SETDB1: variants seen among roughly 807,000 people sequenced by gnomAD.
SETDB1 encodes the protein SET domain bifurcated histone lysine methyltransferase 1, also known as histone-lysine N-methyltransferase SETDB1.
Under a neutral mutation model 137.4 loss-of-function variants are expected in SETDB1, and 31 were observed. The ratio of observed to expected loss-of-function variants is 0.23; its 90% CI spans 0.17 to 0.30. SETDB1 has a LOEUF of 0.30. Among genes scored for constraint, SETDB1 ranks in the 10% least tolerant of loss-of-function variants. The probability of loss-of-function intolerance (pLI) is 1.00; values close to 1 mark genes in which losing one functional copy is unlikely to be tolerated. For synonymous variants in SETDB1, 548 were observed against 579.9 expected (o/e 0.95, Z 0.79); for missense variants, 1,113 against 1,631.5 (o/e 0.68, Z 5.47).
At chr1:150,933,767 CTTTTTCT>C in intron 3 of SETDB1, among the ~76,000 whole-genome samples, 1 of 116,820 alleles carries the variant, frequency 8.6e-6, no homozygotes, top group Non-Finnish European at 1.8e-5. Flanking sequence ...TTTTCTTTTT[CTTTTTCT>C]TTTTCTTTTT....
In SETDB1 at chr1:150,941,419, C is replaced by A; in HGVS notation, c.538C>A (p.Leu180Met). ...AVNKKSSSQD[L>M]HKGTLSQMSG... ...CAACAAGAAGAGCAGTTCCCAGGAT[C>A]TGCATAAAGGTTAGGGTCAAGAAAT... The change falls in exon 5 of 22, where the codon CTG becomes ATG. Residue 180 changes from leucine (L) to methionine (M), a missense_variant. Coordinates refer to ENST00000692827, the MANE Select transcript of SETDB1 (RefSeq NM_001366418.1). 6.2e-7 allele frequency: 1 copy of A among 1,604,752 alleles called. No individual in the cohort carries two copies. The highest frequency in any genetic ancestry group is 8.5e-7 in the Non-Finnish European group (1 of 1,171,534).
intron 4 of SETDB1, among the ~76,000 whole-genome samples, chr1:150,940,308 G>A (rs913327052): frequency 6.6e-6 from 1 of 152,112 alleles, no homozygotes; most frequent in Non-Finnish European, 1.5e-5. Flanking sequence ...GCTCACGACT[G>A]TAATCCCAGC....
intron 14 of SETDB1, among the ~76,000 whole-genome samples, chr1:150,957,215 A>G (rs1466542666): frequency 6.6e-6 from 1 of 152,142 alleles, no homozygotes; most frequent in African/African-American, 2.4e-5. Flanking sequence ...CTCCAATACA[A>G]AAATTAGCAG....
chr1:150,962,772 C>T, intron 18 of SETDB1, 53 bp downstream of exon 18: 2 of 1,586,888 alleles, frequency 1.3e-6, no homozygotes, highest in Non-Finnish European at 1.7e-6. Flanking sequence ...GGGCCATTGT[C>T]ACCTCATCAA....
chr1:150,951,510 T>G lies in SETDB1; in HGVS notation c.2333+29T>G, dbSNP rs375337471. On this transcript the variant is annotated intron_variant, in intron 14 of 21. Transcript: ENST00000692827. ...AGTGGTCAAGGAATGGCACAGTACC[T>G]CAGAGAGACTGAGGAGCATGTTCTT... 3.1e-5 allele frequency: 35 copies of G among 1,112,452 alleles called. No individual in the cohort carries two copies. The Admixed American group carries it at 4.2e-4, about 13-fold the overall frequency. 68.9% of individuals were successfully genotyped at this position (1,112,452 alleles called of 1,614,324 possible). A position where few individuals can be genotyped will look rare whatever the true frequency, so the allele number is the denominator to read the frequency against.
chr1:150,937,133 AAT>A (rs1036972031), intron 3 of SETDB1, among the ~76,000 whole-genome samples: 7 of 151,880 alleles, frequency 4.6e-5, no homozygotes, highest in African/African-American at 1.5e-4. Context: ...TCAAAGAAAA[AAT>A]ATATGTGTAT....
At chr1:150,933,214 C>T (rs747103539) in intron 3 of SETDB1, among the ~76,000 whole-genome samples, 9 of 151,868 alleles carry the variant, frequency 5.9e-5, no homozygotes, top group Non-Finnish European at 1.2e-4. Flanking sequence ...TACATGCCGC[C>T]ACGCCCAGCT....
chr1:150,958,254 C>CTTTTTTTTT (rs374122454), intron 14 of SETDB1, among the ~76,000 whole-genome samples: 38 of 94,062 alleles, frequency 4.0e-4, no homozygotes, highest in Admixed American at 6.5e-4. Flanking sequence ...TTTCTTTTTT[C>CTTTTTTTTT]TTTTTTTTTT....
intron 3 of SETDB1, among the ~76,000 whole-genome samples, chr1:150,931,121 A>G (rs1184763806): frequency 2.6e-5 from 4 of 151,764 alleles, no homozygotes; most frequent in African/African-American, 9.7e-5. Context: ...TTAGCCAGGC[A>G]TGGTGGTGCA....
intron 16 of SETDB1, 159 bp downstream of exon 16, chr1:150,961,350 TGTTTA>T (rs1401417268): frequency 3.8e-6 from 3 of 782,412 alleles, no homozygotes; most frequent in Non-Finnish European, 6.2e-6. Context: ...TCCTAGTGTT[TGTTTA>T]AAGAACCAAA....
intron 9 of SETDB1, chr1:150,945,419 G>T: frequency 1.5e-6 from 1 of 664,158 alleles, no homozygotes; most frequent in Non-Finnish European, 2.3e-6. Context: ...CAGGGTTAAG[G>T]TTTTAGTAGG....
At chr1:150,951,580 ACC>A in intron 14 of SETDB1, 99 bp downstream of exon 14, 2 of 640,086 alleles carry the variant, frequency 3.1e-6, no homozygotes, top group Admixed American at 2.9e-5. Context: ...AAAAATTGGA[ACC>A]AAAAATAGAA....
chr1:150,939,215 G>C (rs1272944451), intron 3 of SETDB1, among the ~76,000 whole-genome samples: 1 of 147,996 alleles, frequency 6.8e-6, no homozygotes, highest in African/African-American at 2.5e-5. Context: ...GCCTCCCAAA[G>C]TGCTAGAAGT....
At position 150,964,262 on chromosome 1, in the gene SETDB1, G is replaced by T. The variant is rs149782127; in HGVS notation, c.3777G>T (p.Gly1259=). The change falls in exon 22 of 22, where the codon GGG becomes GGT. Residue 1259 remains glycine (G), a synonymous_variant. Transcript: ENST00000692827. The part of the protein sequence containing the change: ...AFFASKRIRA[G]TELTWDYNYE... ...TCCTCTTCAGAAGAATCCGGGCTGG[G>T]ACAGAACTTACTTGGGACTACAACT... 190 of 1,614,072 alleles carry T rather than the reference G, an allele frequency of 1.2e-4. No individual in the cohort carries two copies. In the African/African-American group the frequency reaches 2.3e-3, roughly 19 times the overall value.
intron 5 of SETDB1, 100 bp from the exon 6 acceptor site, chr1:150,942,462 AT>A: frequency 2.0e-6 from 2 of 1,012,590 alleles, no homozygotes; most frequent in Non-Finnish European, 1.4e-6. Flanking sequence ...AAAAAAAAAA[AT>A]TACCCCACTT....
chr1:150,949,926 G>A (rs1670445620), intron 12 of SETDB1, among the ~76,000 whole-genome samples: 1 of 152,116 alleles, frequency 6.6e-6, no homozygotes, highest in Non-Finnish European at 1.5e-5. Context: ...TTTAGGAAAA[G>A]GTATACTGTT....
chr1:150,951,711 C>T (rs1670494521), intron 14 of SETDB1, among the ~76,000 whole-genome samples: 1 of 151,970 alleles, frequency 6.6e-6, no homozygotes, highest in Admixed American at 6.6e-5. Flanking sequence ...TAGCAATTTT[C>T]TGTTGCAAAA....
At chr1:150,947,752 G>A (rs1000690872) in intron 10 of SETDB1, among the ~76,000 whole-genome samples, 2 of 152,162 alleles carry the variant, frequency 1.3e-5, no homozygotes, top group African/African-American at 4.8e-5. Context: ...TCCAGCCTGG[G>A]TGACAGAACG....
chr1:150,935,010 A>G (rs1485868290), intron 3 of SETDB1, among the ~76,000 whole-genome samples: 2 of 152,156 alleles, frequency 1.3e-5, no homozygotes, highest in South Asian at 2.1e-4. Context: ...TAGTAGAGAC[A>G]GGGTTTCGTC....
Sources: gnomAD v4.1 joint callset for allele counts (sites outside exome capture counted in the v4.1 genomes callset) on GRCh38, gnomAD v4.1.1 for gene constraint, MANE v1.5 for transcripts, NCBI Gene and HGNC (gene_info 2026-07-23, HGNC 2026-07-21) for gene names.